GRIK2: variants seen among roughly 807,000 people sequenced by gnomAD.
GRIK2 encodes glutamate ionotropic receptor kainate type subunit 2.
Under a neutral mutation model 100.3 loss-of-function variants are expected in GRIK2, and 32 were observed. The observed-to-expected ratio is 0.32, with a 90% CI of 0.24 to 0.43. The LOEUF (loss-of-function observed/expected upper bound fraction) is 0.43. Ranked by LOEUF, GRIK2 falls within the 20% of genes least tolerant of loss-of-function variation. GRIK2 has a pLI of 1.00. For synonymous variants in GRIK2, 417 were observed against 389.4 expected (o/e 1.07, Z -0.83); for missense variants, 843 against 1,114.9 (o/e 0.76, Z 3.47).
chr6:102,004,841 A>C (rs1582704816), intron 14 of GRIK2, among the ~76,000 whole-genome samples: 1 of 150,898 alleles, frequency 6.6e-6, no homozygotes, highest in Admixed American at 6.6e-5. Flanking sequence ...CTGCCCCCCC[A>C]CCACCTTTCT....
At chr6:101,499,970 T>C (rs1310914042) in intron 2 of GRIK2, among the ~76,000 whole-genome samples, 1 of 152,146 alleles carries the variant, frequency 6.6e-6, no homozygotes, top group African/African-American at 2.4e-5. Context: ...TTTTATGATA[T>C]TATAGGTGTC....
intron 3 of GRIK2, among the ~76,000 whole-genome samples, chr6:101,624,591 A>G (rs558367771): frequency 6.6e-6 from 1 of 152,316 alleles, no homozygotes; most frequent in South Asian, 2.1e-4. Context: ...CGGTAGAATA[A>G]TAAACTATCC....
In GRIK2 at chr6:101,695,223, C is replaced by G. The variant is rs373825145; in HGVS notation, c.951+8870C>G. Among the ~76,000 whole-genome samples, 59 of 152,138 alleles carry G rather than the reference C, an allele frequency of 3.9e-4. 1 individual carries two copies. The East Asian group carries it at 0.011, about 28-fold the overall frequency. ...AACTGTCTGCTTCCAAGACGGCACC[C>G]TCTTATATTCTCCAGAGGGGAGGAA... On this transcript the variant is annotated intron_variant, in intron 7 of 16. Coordinates refer to ENST00000369134, the MANE Select transcript of GRIK2 (RefSeq NM_021956.5).
chr6:101,515,835 G>A (rs1562194421), intron 2 of GRIK2, among the ~76,000 whole-genome samples: 3 of 152,088 alleles, frequency 2.0e-5, no homozygotes. Flanking sequence ...CAGAGGTACA[G>A]ATTGTGAAGA....
intron 2 of GRIK2, among the ~76,000 whole-genome samples, chr6:101,595,698 ATGTGTGTGTGTG>A (rs200462444): frequency 2.6e-4 from 36 of 136,648 alleles, no homozygotes; most frequent in African/African-American, 9.5e-4. Flanking sequence ...GTATATATAT[ATGTGTGTGTGTG>A]TGTGTGTGTA....
At chr6:101,941,179 A>G (rs907860400) in intron 14 of GRIK2, among the ~76,000 whole-genome samples, 6 of 152,082 alleles carry the variant, frequency 3.9e-5, no homozygotes, top group Admixed American at 6.5e-5. Context: ...AATGCATACT[A>G]TTATTTTAAT....
chr6:101,679,633 GA>G (rs1305600008), intron 5 of GRIK2, among the ~76,000 whole-genome samples: 1 of 152,064 alleles, frequency 6.6e-6, no homozygotes, highest in Non-Finnish European at 1.5e-5. Context: ...AATTCTACTG[GA>G]AATTATTAAC....
chr6:102,004,354 A>G (rs1795102295), intron 14 of GRIK2, among the ~76,000 whole-genome samples: 1 of 150,934 alleles, frequency 6.6e-6, no homozygotes, highest in Non-Finnish European at 1.5e-5. Context: ...GGAGGGAGAA[A>G]AAGACTAGTT....
chr6:102,015,111 A>T (rs1415087633), intron 14 of GRIK2, among the ~76,000 whole-genome samples: 1 of 152,162 alleles, frequency 6.6e-6, no homozygotes, highest in Non-Finnish European at 1.5e-5. Context: ...TGATTTAGGA[A>T]TCTGGGTGCT....
intron 10 of GRIK2, among the ~76,000 whole-genome samples, chr6:101,828,874 A>G (rs1782499828): frequency 6.6e-6 from 1 of 152,042 alleles, no homozygotes; most frequent in Non-Finnish European, 1.5e-5. Context: ...AGATTATTCC[A>G]AAAATTTGAG....
intron 2 of GRIK2, among the ~76,000 whole-genome samples, chr6:101,612,661 A>C (rs1779730865): frequency 6.6e-6 from 1 of 151,606 alleles, no homozygotes; most frequent in South Asian, 2.1e-4. Context: ...TTCCCAGAAA[A>C]GGTGACTATT....
intron 4 of GRIK2, among the ~76,000 whole-genome samples, chr6:101,662,001 G>T (rs1251730144): frequency 6.6e-6 from 1 of 152,130 alleles, no homozygotes; most frequent in Non-Finnish European, 1.5e-5. Context: ...AGTGGGCAGG[G>T]TAAGTATTTA....
At chr6:101,581,434 G>C (rs1245999143) in intron 2 of GRIK2, among the ~76,000 whole-genome samples, 1 of 151,976 alleles carries the variant, frequency 6.6e-6, no homozygotes, top group African/African-American at 2.4e-5. Flanking sequence ...TGAAGAACTT[G>C]GTGTCCAGTG....
chr6:101,620,963 A>T (rs78998603), intron 2 of GRIK2, among the ~76,000 whole-genome samples: 1,662 of 152,290 alleles, frequency 0.011, 32 homozygotes, highest in African/African-American at 0.038. Context: ...TTGAAGGGAC[A>T]TATTTTAAAA....
At chr6:101,746,343 A>G (rs1194005322) in intron 7 of GRIK2, among the ~76,000 whole-genome samples, 1 of 152,114 alleles carries the variant, frequency 6.6e-6, no homozygotes, top group African/African-American at 2.4e-5. Flanking sequence ...TTATTTATTT[A>G]TTGAGACAGA....
chr6:101,850,392 A>C (rs866604182), intron 10 of GRIK2, among the ~76,000 whole-genome samples: 6 of 152,054 alleles, frequency 3.9e-5, no homozygotes, highest in Middle Eastern at 3.4e-3. Context: ...TTGTAATAGC[A>C]GGGGATATTT....
chr6:101,901,303 T>A (rs1787832389), intron 12 of GRIK2, among the ~76,000 whole-genome samples: 1 of 152,056 alleles, frequency 6.6e-6, no homozygotes, highest in African/African-American at 2.4e-5. Context: ...AAAAAATGTA[T>A]ATTGATAGCC....
intron 1 of GRIK2, among the ~76,000 whole-genome samples, chr6:101,395,233 G>A (rs1283709209): frequency 6.6e-6 from 1 of 152,178 alleles, no homozygotes; most frequent in African/African-American, 2.4e-5. Flanking sequence ...TAAACAGGCT[G>A]TTTGTTTTAG....
intron 7 of GRIK2, among the ~76,000 whole-genome samples, chr6:101,764,983 A>C (rs190766543): frequency 6.6e-6 from 1 of 152,074 alleles, no homozygotes; most frequent in Non-Finnish European, 1.5e-5. Context: ...CTGCAAATCC[A>C]CACCTTCACT....
Sources: gnomAD v4.1 joint callset for allele counts (sites outside exome capture counted in the v4.1 genomes callset) on GRCh38, gnomAD v4.1.1 for gene constraint, MANE v1.5 for transcripts, NCBI Gene and HGNC (gene_info 2026-07-23, HGNC 2026-07-21) for gene names.